DRC9: variants seen among roughly 807,000 people sequenced by gnomAD.
DRC9 encodes dynein regulatory complex protein 9.
At chr3:197,959,010 C>A in the DRC9 span, 1 of 152,236 alleles carries the variant, frequency 6.6e-6, no homozygotes, top group Admixed American at 6.5e-5. Context: ...AGGTTGAGAC[C>A]AGCCTGGCCA....
At chr3:197,951,181 G>A in the DRC9 span, 64 of 1,614,108 alleles carry the variant, frequency 4.0e-5, no homozygotes, top group East Asian at 4.5e-4. Context: ...GGCCATTTTT[G>A]CTGGCTATAA....
the DRC9 span, among the ~76,000 whole-genome samples, chr3:197,929,349 G>T: frequency 6.6e-6 from 1 of 152,154 alleles, no homozygotes; most frequent in Admixed American, 6.5e-5. The surrounding 1 kb of genome is among the most constrained non-coding windows in gnomAD (Gnocchi z 4.6). Flanking sequence ...TTTCTTTTCT[G>T]CCCAGCCATG....
At chr3:197,903,910 G>T in the DRC9 span, among the ~76,000 whole-genome samples, 1 of 151,104 alleles carries the variant, frequency 6.6e-6, no homozygotes, top group Non-Finnish European at 1.5e-5. Context: ...GGAGTTCAAG[G>T]CCCGCCTGGG....
the DRC9 span, among the ~76,000 whole-genome samples, chr3:197,916,724 C>T: frequency 6.6e-6 from 1 of 152,042 alleles, no homozygotes; most frequent in African/African-American, 2.4e-5. Context: ...GGAATTAATT[C>T]TAAGTAACCA....
At chr3:197,940,750 G>T in the DRC9 span, among the ~76,000 whole-genome samples, 2 of 152,176 alleles carry the variant, frequency 1.3e-5, no homozygotes, top group Non-Finnish European at 2.9e-5. Flanking sequence ...TATTTTAAGA[G>T]ATTCACAATT....
chr3:197,898,306 T>TTA, the DRC9 span, among the ~76,000 whole-genome samples: 1 of 152,234 alleles, frequency 6.6e-6, no homozygotes, highest in Non-Finnish European at 1.5e-5. Context: ...AATGTAAGCA[T>TTA]TATATATCAG....
the DRC9 span, among the ~76,000 whole-genome samples, chr3:197,906,068 G>A: frequency 6.6e-6 from 1 of 151,984 alleles, no homozygotes; most frequent in African/African-American, 2.4e-5. Context: ...CTGCCTGTCA[G>A]CTCCAAATCC....
chr3:197,891,982 T>G, the DRC9 span, among the ~76,000 whole-genome samples: 1 of 152,190 alleles, frequency 6.6e-6, no homozygotes, highest in Non-Finnish European at 1.5e-5. Flanking sequence ...CTCCGCCTTC[T>G]GGGTTCAAGT....
chr3:197,910,221 G>T, the DRC9 span, among the ~76,000 whole-genome samples: 1 of 152,084 alleles, frequency 6.6e-6, no homozygotes, highest in Non-Finnish European at 1.5e-5. Context: ...GATCACTTGG[G>T]CCCAGGAGTT....
At chr3:197,930,227 T>C in the DRC9 span, among the ~76,000 whole-genome samples, 3 of 151,354 alleles carry the variant, frequency 2.0e-5, no homozygotes, top group Non-Finnish European at 4.4e-5. Context: ...CATGCCTGGG[T>C]CCCCAGCGAC....
chr3:197,913,850 C>T, the DRC9 span: 1 of 1,611,702 alleles, frequency 6.2e-7, no homozygotes, highest in African/African-American at 1.3e-5. Flanking sequence ...TTGCCATCTC[C>T]TGGGTTCTTG....
the DRC9 span, chr3:197,912,751 T>G: frequency 1.9e-6 from 3 of 1,612,586 alleles, no homozygotes; most frequent in Admixed American, 1.7e-5. Flanking sequence ...CCTGAGTTTC[T>G]GTAAGAACAA....
chr3:197,894,786 G>C, the DRC9 span, among the ~76,000 whole-genome samples: 1 of 152,198 alleles, frequency 6.6e-6, no homozygotes, highest in Non-Finnish European at 1.5e-5. Context: ...CGATTACACT[G>C]AGCGGGGTGG....
chr3:197,956,283 A>G, the DRC9 span: 36 of 163,342 alleles, frequency 2.2e-4, no homozygotes, highest in East Asian at 2.9e-3. Context: ...CATTTGTTCA[A>G]TGCAGATTGG....
chr3:197,955,840 T>TA, the DRC9 span: 14 of 1,298,206 alleles, frequency 1.1e-5, no homozygotes, highest in African/African-American at 5.8e-5. Flanking sequence ...TTAAAAAACT[T>TA]ACTACCTTAA....
At chr3:197,947,117 T>C in the DRC9 span, among the ~76,000 whole-genome samples, 1 of 152,246 alleles carries the variant, frequency 6.6e-6, no homozygotes, top group African/African-American at 2.4e-5. Context: ...AGGCGGATTT[T>C]ACTTTCTATT....
chr3:197,933,975 T>TA, the DRC9 span, among the ~76,000 whole-genome samples: 311 of 109,478 alleles, frequency 2.8e-3, 1 homozygote, highest in Admixed American at 5.2e-3. Context: ...CTCACCCAGC[T>TA]AAAAAAAAAA....
At chr3:197,903,661 AG>A in the DRC9 span, among the ~76,000 whole-genome samples, 1 of 152,166 alleles carries the variant, frequency 6.6e-6, no homozygotes, top group Non-Finnish European at 1.5e-5. Flanking sequence ...AAAATATAAA[AG>A]GCTTCTGCAT....
At chr3:197,913,857 C>T in the DRC9 span, 1 of 1,612,668 alleles carries the variant, frequency 6.2e-7, no homozygotes, top group Non-Finnish European at 8.5e-7. Flanking sequence ...CTCCTGGGTT[C>T]TTGGCTAATG....
Sources: allele counts gnomAD v4.1 joint callset (sites outside exome capture counted in the v4.1 genomes callset), GRCh38; gene constraint gnomAD v4.1.1; non-coding constraint Gnocchi (gnomAD v3.1); transcripts MANE v1.5; gene names NCBI Gene and HGNC (gene_info 2026-07-23, HGNC 2026-07-21).